Variants in TRAPPC9 observed in about 807,000 individuals in gnomAD.
The protein encoded by TRAPPC9 is IKK2 binding protein.
In TRAPPC9, 83 loss-of-function variants were observed where a neutral mutation model predicts 124.0. The observed-to-expected ratio is 0.67, with a 90% CI of 0.56 to 0.80. The LOEUF (loss-of-function observed/expected upper bound fraction) is 0.80, where lower values mean the gene tolerates loss of function less well. Among genes scored for constraint, TRAPPC9 ranks in the 30% least tolerant of loss-of-function variants. The pLI, the probability that TRAPPC9 is intolerant of heterozygous loss-of-function variation, is 0.00. For missense variants in TRAPPC9, 1,302 were observed against 1,508.3 expected (o/e 0.86, Z 2.27); for synonymous variants, 638 against 617.5 (o/e 1.03, Z -0.49).
rs4352827 is a variant in TRAPPC9, at chr8:140,381,992, A to T, written c.1135-10812T>A. 4.5e-3 allele frequency among the ~76,000 whole-genome samples: 687 copies of T among 152,364 alleles called. 6 individuals carry two copies. The highest frequency in any genetic ancestry group is 0.016 in the African/African-American group (653 of 41,590). On this transcript the variant is annotated intron_variant, in intron 7 of 22. Coordinates refer to ENST00000438773, the MANE Select transcript of TRAPPC9 (RefSeq NM_001160372.4). ...CCCACAAACACTTGTACATTCCCAC[A>T]AAACTTTGTTCCCACAAAATACATG...
chr8:140,438,009 T>G (rs919975718), intron 3 of TRAPPC9, among the ~76,000 whole-genome samples: 2 of 152,186 alleles, frequency 1.3e-5, no homozygotes, highest in Non-Finnish European at 2.9e-5. Flanking sequence ...AAGATTGACA[T>G]AGAGTTCACA....
intron 21 of TRAPPC9, among the ~76,000 whole-genome samples, chr8:139,813,422 G>A (rs762379338): frequency 6.6e-5 from 10 of 152,232 alleles, no homozygotes; most frequent in South Asian, 2.1e-4. Flanking sequence ...ATCATGCTCC[G>A]GAGAGAAGGC....
At chr8:140,431,392 G>A (rs1165206863) in intron 4 of TRAPPC9, among the ~76,000 whole-genome samples, 1 of 152,062 alleles carries the variant, frequency 6.6e-6, no homozygotes, top group Middle Eastern at 3.4e-3. Flanking sequence ...AGGAGACAGA[G>A]GTTGCAGTGA....
chr8:140,419,750 G>A (rs1420359246), intron 5 of TRAPPC9, among the ~76,000 whole-genome samples: 2 of 152,004 alleles, frequency 1.3e-5, no homozygotes, highest in Non-Finnish European at 2.9e-5. Context: ...GCCGGGCGTG[G>A]TGGCGGGCGC....
chr8:140,440,253 A>C (rs932463814), intron 2 of TRAPPC9, among the ~76,000 whole-genome samples: 2 of 152,178 alleles, frequency 1.3e-5, no homozygotes, highest in African/African-American at 4.8e-5. Flanking sequence ...CACGCCTGTA[A>C]TCCCAGCACT....
intron 21 of TRAPPC9, among the ~76,000 whole-genome samples, chr8:139,829,516 A>G (rs1283470408): frequency 6.6e-6 from 1 of 152,164 alleles, no homozygotes; most frequent in Non-Finnish European, 1.5e-5. Context: ...AGTGCAATCT[A>G]CTAACACACA....
chr8:140,354,386 T>C (rs556296908), intron 9 of TRAPPC9, among the ~76,000 whole-genome samples: 15 of 152,204 alleles, frequency 9.9e-5, no homozygotes, highest in Non-Finnish European at 1.8e-4. Context: ...TCACGGTTCC[T>C]AAGAAGATTC....
Position 140,218,265 on chromosome 8 carries a change from G to T in TRAPPC9, c.2556+3194C>A, listed in dbSNP as rs1039135436. 2.6e-5 allele frequency among the ~76,000 whole-genome samples: 4 copies of T among 152,162 alleles called. No homozygotes were observed. The East Asian group carries it at 7.8e-4, about 30-fold the overall frequency. ...CATTTTTCATTCTATCCCCAGCTCTGAAAGAATAACCAGAAGGTAAATAGG... is the reference window on the plus strand; with the variant it reads ...CATTTTTCATTCTATCCCCAGCTCTTAAAGAATAACCAGAAGGTAAATAGG... On this transcript the variant is annotated intron_variant, in intron 17 of 22. Transcript: ENST00000438773.
chr8:139,973,082 C>T (rs912280664), intron 19 of TRAPPC9, among the ~76,000 whole-genome samples: 4 of 152,208 alleles, frequency 2.6e-5, no homozygotes, highest in Non-Finnish European at 4.4e-5. Flanking sequence ...TAAAAGCCAC[C>T]CTTTTTCTAT....
intron 16 of TRAPPC9, among the ~76,000 whole-genome samples, chr8:140,239,504 C>A (rs1344174673): frequency 6.6e-6 from 1 of 152,166 alleles, no homozygotes; most frequent in African/African-American, 2.4e-5. Flanking sequence ...TCCGGCCCTG[C>A]CCGCGAGATG....
rs1443246807 is a variant in TRAPPC9, at chr8:139,776,728, G to A, written c.3056-44526C>T. Among the ~76,000 whole-genome samples the A allele has an allele frequency of 6.6e-6, 1 of 152,084 alleles. No individual in the cohort carries two copies. The highest frequency in any genetic ancestry group is 1.5e-5 in the Non-Finnish European group (1 of 68,014). ...TGCTGGCTTCAAGAGCTTGGTGTAG[G>A]ACAGGCTCCCCAGCTAACAAAAGGA... On this transcript the variant is annotated intron_variant, in intron 21 of 22. Coordinates refer to ENST00000438773, the MANE Select transcript of TRAPPC9 (RefSeq NM_001160372.4). The surrounding 1 kb of genome is among the most constrained non-coding windows in gnomAD (Gnocchi z 4.1).
chr8:140,180,943 C>G (rs1434525257), intron 17 of TRAPPC9, among the ~76,000 whole-genome samples: 1 of 152,136 alleles, frequency 6.6e-6, no homozygotes, highest in Non-Finnish European at 1.5e-5. Flanking sequence ...CTTGAAAATT[C>G]AAAACTTGAT....
At chr8:139,805,981 C>T (rs143454265) in intron 21 of TRAPPC9, among the ~76,000 whole-genome samples, 36 of 152,312 alleles carry the variant, frequency 2.4e-4, no homozygotes, top group African/African-American at 7.0e-4. Flanking sequence ...GGGGTGTGCG[C>T]GGAGCACGCT....
At chr8:139,925,542 G>A (rs1017052208) in intron 19 of TRAPPC9, among the ~76,000 whole-genome samples, 1 of 152,212 alleles carries the variant, frequency 6.6e-6, no homozygotes, top group African/African-American at 2.4e-5. Flanking sequence ...GAGGCCAGGA[G>A]TTCGAGACCA....
In TRAPPC9 at chr8:139,988,274, G is replaced by A. The variant is rs145658703; in HGVS notation, c.2810+452C>T. Among the ~76,000 whole-genome samples the A allele has an allele frequency of 1.9e-4, 29 of 151,846 alleles. No homozygotes were observed. The East Asian group carries it at 5.4e-3, about 29-fold the overall frequency. On this transcript the variant is annotated intron_variant, in intron 19 of 22. Transcript: ENST00000438773. ...ATAACAGGCATGCACCACCATGCCC[G>A]GGTAGTTTTTGTATTTTTAGTAGAG... is the stretch of plus-strand genomic sequence containing the variant.
chr8:139,909,272 G>T (rs576071856), intron 20 of TRAPPC9, among the ~76,000 whole-genome samples: 1 of 152,040 alleles, frequency 6.6e-6, no homozygotes, highest in Non-Finnish European at 1.5e-5. Flanking sequence ...CAGTATTTTG[G>T]GGCTGTTTCC....
intron 17 of TRAPPC9, among the ~76,000 whole-genome samples, chr8:140,078,555 G>A (rs1264533657): frequency 6.6e-6 from 1 of 152,122 alleles, no homozygotes; most frequent in Non-Finnish European, 1.5e-5. Flanking sequence ...CTTCCTAGGT[G>A]GGGAAAGGAA....
chr8:140,175,465 T>G (rs374718280), intron 17 of TRAPPC9, among the ~76,000 whole-genome samples: 3 of 152,210 alleles, frequency 2.0e-5, no homozygotes, highest in East Asian at 3.9e-4. Context: ...GGTTCCAGCA[T>G]GTTTCCTACT....
At chr8:140,433,985 T>C (rs916923031) in intron 4 of TRAPPC9, among the ~76,000 whole-genome samples, 4 of 152,224 alleles carry the variant, frequency 2.6e-5, no homozygotes, top group African/African-American at 7.2e-5. Flanking sequence ...AGTATAACTT[T>C]GTCTACTTTT....
Sources: gnomAD v4.1 joint callset for allele counts (sites outside exome capture counted in the v4.1 genomes callset) on GRCh38, gnomAD v4.1.1 for gene constraint, Gnocchi (gnomAD v3.1) non-coding constraint, MANE v1.5 for transcripts, NCBI Gene and HGNC (gene_info 2026-07-23, HGNC 2026-07-21) for gene names.